Variants in HERC1 observed in about 807,000 individuals in gnomAD.
HERC1 encodes the protein HECT and RLD domain containing E3 ubiquitin protein ligase family member 1.
In HERC1, 160 loss-of-function variants were observed where a neutral mutation model predicts 554.3. That is an observed-to-expected ratio of 0.29 (90% CI 0.25 to 0.33). The LOEUF (loss-of-function observed/expected upper bound fraction) is 0.33. Among genes scored for constraint, HERC1 ranks in the 10% least tolerant of loss-of-function variants. The pLI is 1.00. For missense variants in HERC1, 4,919 were observed against 5,918.5 expected (o/e 0.83, Z 5.54); for synonymous variants, 2,175 against 2,131.7 (o/e 1.02, Z -0.56).
At chr15:63,699,072 T>C (rs2072581220) in intron 25 of HERC1, 76 bp from the exon 26 acceptor site, 3 of 1,316,676 alleles carry the variant, frequency 2.3e-6, no homozygotes, top group Admixed American at 2.1e-5. Context: ...TAAGGCTGAG[T>C]GCTGCTACCA....
At chr15:63,813,582 C>A (rs1317893064) in intron 1 of HERC1, among the ~76,000 whole-genome samples, 1 of 151,964 alleles carries the variant, frequency 6.6e-6, no homozygotes, top group Non-Finnish European at 1.5e-5. Context: ...ATTAACCTAA[C>A]CCCAAATAAT....
At chr15:63,610,869 G>A (rs1339331529) in intron 77 of HERC1, among the ~76,000 whole-genome samples, 1 of 152,206 alleles carries the variant, frequency 6.6e-6, no homozygotes, top group Admixed American at 6.5e-5. Flanking sequence ...TGAAGAGTGG[G>A]GATGGAGACA....
chr15:63,703,866 G>A (rs1280061099), intron 25 of HERC1, among the ~76,000 whole-genome samples: 1 of 151,598 alleles, frequency 6.6e-6, no homozygotes, highest in Non-Finnish European at 1.5e-5. Context: ...GCAGTGAGCT[G>A]TGATCGCACC....
At chr15:63,747,904 T>C (rs1210831655) in intron 10 of HERC1, 46 bp from the exon 11 acceptor site, 2 of 1,504,440 alleles carry the variant, frequency 1.3e-6, no homozygotes, top group Non-Finnish European at 1.8e-6. Context: ...TAAAATGAAA[T>C]TTTTATGCAC....
At chr15:63,766,674 TTTTTG>T (rs1365340931) in intron 2 of HERC1, among the ~76,000 whole-genome samples, 1 of 152,226 alleles carries the variant, frequency 6.6e-6, no homozygotes, top group Non-Finnish European at 1.5e-5. Flanking sequence ...GTTAGGGGTT[TTTTTG>T]TTTTGTTTTG....
chr15:63,787,960 C>CAAAAAAA, intron 1 of HERC1, among the ~76,000 whole-genome samples: 1 of 45,644 alleles, frequency 2.2e-5, no homozygotes, highest in Non-Finnish European at 4.5e-5. Context: ...GACCCTGTCT[C>CAAAAAAA]AAAAAAAAAA....
intron 1 of HERC1, among the ~76,000 whole-genome samples, chr15:63,833,218 C>A (rs935162335): frequency 3.3e-5 from 5 of 152,154 alleles, no homozygotes; most frequent in Admixed American, 3.3e-4. Context: ...GTTGCAAAGG[C>A]TTTATAATTT....
At chr15:63,833,636 G>A (rs1423248486) in intron 1 of HERC1, among the ~76,000 whole-genome samples, 191 bp downstream of exon 1, 2 of 151,898 alleles carry the variant, frequency 1.3e-5, no homozygotes, top group African/African-American at 4.8e-5. Flanking sequence ...CGGCGCGCCA[G>A]GAGGGCTCCC....
At chr15:63,735,984 A>C (rs1335894488) in intron 12 of HERC1, among the ~76,000 whole-genome samples, 1 of 152,218 alleles carries the variant, frequency 6.6e-6, no homozygotes, top group African/African-American at 2.4e-5. Flanking sequence ...AACTAAATGC[A>C]CATATTCTGT....
At position 63,608,970 on chromosome 15, in the gene HERC1, G is replaced by T; in HGVS notation, c.*111C>A. 1.2e-6 allele frequency: 1 copy of T among 864,786 alleles called. No homozygotes were observed. The allele number at this position is 864,786 out of a possible 1,614,324, so 53.6% of individuals were successfully genotyped here. A position where few individuals can be genotyped will look rare whatever the true frequency, so the allele number is the denominator to read the frequency against. On this transcript the variant is annotated 3_prime_UTR_variant, in exon 78 of 78. Coordinates refer to ENST00000443617, the MANE Select transcript of HERC1 (RefSeq NM_003922.4). ...ACTAAATGTGGCCATTGTTTATAAT[G>T]TTGGTTTATGTTCTTATAACATCTA...
intron 24 of HERC1, among the ~76,000 whole-genome samples, chr15:63,707,205 C>T (rs550670343): frequency 6.6e-6 from 1 of 152,324 alleles, no homozygotes; most frequent in Non-Finnish European, 1.5e-5. Flanking sequence ...AATTACTACT[C>T]CTTCCTCTAG....
intron 30 of HERC1, among the ~76,000 whole-genome samples, chr15:63,693,544 TG>T (rs1363231964): frequency 6.6e-6 from 1 of 152,116 alleles, no homozygotes. Flanking sequence ...GCGCCTGGCC[TG>T]GGGGACAATT....
rs549600764 is a variant in HERC1 at position 63,647,629 on chromosome 15, G to A, written c.10878+440C>T. ...GTCCATCAATGGATGACTGGATAAC[G>A]AAAACATGGTATATATAAACAATGG... On this transcript the variant is annotated intron_variant, in intron 55 of 77. Transcript: ENST00000443617. Among the ~76,000 whole-genome samples the A allele has an allele frequency of 3.1e-4, 47 of 152,194 alleles. 1 individual carries two copies. The highest frequency in any genetic ancestry group is 5.6e-4 in the Non-Finnish European group (38 of 68,012).
intron 2 of HERC1, among the ~76,000 whole-genome samples, chr15:63,772,078 C>T (rs1205206023): frequency 1.3e-5 from 2 of 150,930 alleles, no homozygotes; most frequent in Admixed American, 6.6e-5. Flanking sequence ...ACCAAGATCA[C>T]GCCACTACAC....
At chr15:63,795,041 G>A (rs1337590410) in intron 1 of HERC1, among the ~76,000 whole-genome samples, 2 of 138,474 alleles carry the variant, frequency 1.4e-5, no homozygotes, top group Admixed American at 7.4e-5. Context: ...ATTCCAGCCC[G>A]GGCAACAGAG....
rs1841233275 is a variant in HERC1, at chr15:63,734,094, G to C, written c.2646+630C>G. On this transcript the variant is annotated intron_variant, in intron 13 of 77. Coordinates refer to ENST00000443617, the MANE Select transcript of HERC1 (RefSeq NM_003922.4). This position sits in a 1 kb window ranked among gnomAD's most constrained non-coding sequence, Gnocchi z 4.6. The stretch of plus-strand genomic sequence containing the variant: ...AGGCAGTAAGATCCCTTGAGCTTAG[G>C]AGTTCAAGGTTAGAGTGAGCTATGA... Among the ~76,000 whole-genome samples the C allele has an allele frequency of 6.6e-6, 1 of 152,148 alleles. No homozygotes were observed. The highest frequency in any genetic ancestry group is 2.4e-5 in the African/African-American group (1 of 41,434).
chr15:63,773,444 CAAA>C (rs370465670), intron 2 of HERC1, among the ~76,000 whole-genome samples: 5 of 72,910 alleles, frequency 6.9e-5, no homozygotes, highest in Non-Finnish European at 5.5e-5. Flanking sequence ...GACTCTGTCT[CAAA>C]AAAAAAAAAA....
At chr15:63,760,770 C>A (rs1189251573) in intron 3 of HERC1, among the ~76,000 whole-genome samples, 7 of 151,930 alleles carry the variant, frequency 4.6e-5, no homozygotes, top group Non-Finnish European at 8.8e-5. Context: ...AAATAAGAAA[C>A]TGTAATTTAG....
intron 1 of HERC1, among the ~76,000 whole-genome samples, chr15:63,825,516 TA>T (rs1253036185): frequency 2.0e-5 from 3 of 152,140 alleles, no homozygotes; most frequent in Admixed American, 2.0e-4. Context: ...AATAAGTAAG[TA>T]AGCCTGAAAT....
Sources: gnomAD v4.1 joint callset for allele counts (sites outside exome capture counted in the v4.1 genomes callset) on GRCh38, gnomAD v4.1.1 for gene constraint, Gnocchi (gnomAD v3.1) non-coding constraint, MANE v1.5 for transcripts, NCBI Gene and HGNC (gene_info 2026-07-23, HGNC 2026-07-21) for gene names.